The following PDE4D variants were observed in gnomAD, a reference collection of about 807,000 sequenced individuals.
PDE4D encodes phosphodiesterase 4D.
A neutral mutation model predicts 87.4 loss-of-function variants in PDE4D; 24 were observed. That is an observed-to-expected ratio of 0.27 (90% CI 0.20 to 0.39). The LOEUF (loss-of-function observed/expected upper bound fraction) is 0.39. Ranked by LOEUF, PDE4D falls within the 10% of genes least tolerant of loss-of-function variation. PDE4D has a pLI of 1.00. For synonymous variants in PDE4D, 384 were observed against 383.2 expected, an observed-to-expected ratio of 1.00 and a Z score of -0.02; for missense variants, 714 against 1,041.0, an observed-to-expected ratio of 0.69 and a Z score of 4.32.
At chr5:59,726,513 A>C (rs2150580918) in intron 1 of PDE4D, among the ~76,000 whole-genome samples, 1 of 152,232 alleles carries the variant, frequency 6.6e-6, no homozygotes, top group Middle Eastern at 3.4e-3. Flanking sequence ...GAAGGCACTG[A>C]CTGCAAGCCA....
chr5:58,999,553 G>GTATGTA (rs1750018242), intron 6 of PDE4D: 1 of 1,064,404 alleles, frequency 9.4e-7, no homozygotes, highest in Non-Finnish European at 1.3e-6. Context: ...TTGATTATAT[G>GTATGTA]TATATATATA....
chr5:59,257,242 C>T (rs1371683371), intron 1 of PDE4D, among the ~76,000 whole-genome samples: 1 of 152,028 alleles, frequency 6.6e-6, no homozygotes, highest in African/African-American at 2.4e-5. Flanking sequence ...TGATGGGTTT[C>T]AGTTCATACA....
chr5:59,913,654 AG>A (rs1416431689), intron 3 of PDE4D, among the ~76,000 whole-genome samples: 1 of 152,186 alleles, frequency 6.6e-6, no homozygotes, highest in Non-Finnish European at 1.5e-5. Flanking sequence ...TGTCTACCTC[AG>A]GCATAATATG....
intron 1 of PDE4D, among the ~76,000 whole-genome samples, chr5:59,781,784 CAAAAAAAAA>C (rs58613622): frequency 5.0e-5 from 2 of 39,898 alleles, no homozygotes; most frequent in Admixed American, 4.5e-4. Flanking sequence ...CACTCCATCT[CAAAAAAAAA>C]AAAAAAAAAA....
intron 1 of PDE4D, among the ~76,000 whole-genome samples, chr5:59,765,902 C>A (rs1309701549): frequency 6.6e-6 from 1 of 152,092 alleles, no homozygotes; most frequent in Non-Finnish European, 1.5e-5. Flanking sequence ...TATTGGAAAC[C>A]AACAAATGGT....
rs541953940 is a variant in PDE4D, at chr5:59,316,227, AG to A, written c.456-100260del. 1.0e-3 allele frequency among the ~76,000 whole-genome samples: 152 copies of A among 152,296 alleles called. 1 individual carries two copies. Among genetic ancestry groups the A allele is most frequent in the African/African-American group, 3.4e-3 (142 of 41,562 alleles). On this transcript the variant is annotated intron_variant, in intron 1 of 14. Coordinates refer to ENST00000340635, the MANE Select transcript of PDE4D (RefSeq NM_001104631.2). Reference sequence around the variant, plus strand: ...ATAATAAAGGCAGATTGCCAGTCTGAGTTTGGAATTGGAATCGGTATAGACA... The same window carrying A: ...ATAATAAAGGCAGATTGCCAGTCTGATTTGGAATTGGAATCGGTATAGACA...
At chr5:59,087,845 TCTC>T (rs1767999414) in intron 5 of PDE4D, among the ~76,000 whole-genome samples, 1 of 152,068 alleles carries the variant, frequency 6.6e-6, no homozygotes, top group African/African-American at 2.4e-5. Flanking sequence ...CTAACTAACT[TCTC>T]CTCATCCTCA....
intron 2 of PDE4D, among the ~76,000 whole-genome samples, chr5:60,055,299 G>A (rs1346168907): frequency 6.6e-6 from 1 of 151,822 alleles, no homozygotes; most frequent in Non-Finnish European, 1.5e-5. Flanking sequence ...AGCAACAATG[G>A]CACTTACATA....
chr5:59,899,897 T>C (rs1752053601), intron 3 of PDE4D, among the ~76,000 whole-genome samples: 1 of 152,186 alleles, frequency 6.6e-6, no homozygotes, highest in Non-Finnish European at 1.5e-5. Context: ...TTTGGATTTC[T>C]GACTTGCATT....
chr5:60,055,636 A>G (rs1231477187), intron 2 of PDE4D, among the ~76,000 whole-genome samples: 1 of 152,134 alleles, frequency 6.6e-6, no homozygotes, highest in Non-Finnish European at 1.5e-5. Context: ...GCACTTTCAT[A>G]TATCTCACTT....
chr5:59,083,222 T>C (rs930599545), intron 5 of PDE4D, among the ~76,000 whole-genome samples: 1 of 152,054 alleles, frequency 6.6e-6, no homozygotes, highest in Admixed American at 6.6e-5. Context: ...GATGAGAAGT[T>C]TGATACCTTT....
chr5:59,033,035 A>G (rs183616305), intron 6 of PDE4D, among the ~76,000 whole-genome samples: 1 of 152,352 alleles, frequency 6.6e-6, no homozygotes. Context: ...CAGGGAGTAA[A>G]TATCATTCAT....
intron 2 of PDE4D, among the ~76,000 whole-genome samples, chr5:60,117,195 CT>C (rs1248685999): frequency 6.6e-6 from 1 of 151,930 alleles, no homozygotes; most frequent in Non-Finnish European, 1.5e-5. Flanking sequence ...GTAACTAACA[CT>C]TTTTCCAAAC....
At chr5:59,211,843 C>G (rs1750154675) in intron 2 of PDE4D, among the ~76,000 whole-genome samples, 1 of 152,044 alleles carries the variant, frequency 6.6e-6, no homozygotes, top group Non-Finnish European at 1.5e-5. Context: ...GATATCCTAT[C>G]TACTAGGAAG....
At chr5:60,047,225 A>AT in intron 2 of PDE4D, among the ~76,000 whole-genome samples, 2 of 152,062 alleles carry the variant, frequency 1.3e-5, no homozygotes, top group Non-Finnish European at 2.9e-5. Flanking sequence ...CCCCTTTATC[A>AT]TTTTTTATTG....
At chr5:59,135,679 A>G (rs1400071551) in intron 5 of PDE4D, among the ~76,000 whole-genome samples, 2 of 151,980 alleles carry the variant, frequency 1.3e-5, no homozygotes, top group African/African-American at 4.8e-5. Flanking sequence ...TTCAATACGT[A>G]TATCTCCCAT....
intron 6 of PDE4D, among the ~76,000 whole-genome samples, chr5:59,030,119 G>A (rs1024376179): frequency 3.9e-5 from 6 of 151,980 alleles, no homozygotes; most frequent in African/African-American, 1.5e-4. Flanking sequence ...CACAACAATG[G>A]TCTGGGCAAT....
In PDE4D at chr5:59,422,825, A is replaced by C. The variant is rs547802883; in HGVS notation, c.456-206857T>G. Among the ~76,000 whole-genome samples, 22 of 152,330 alleles carry C rather than the reference A, an allele frequency of 1.4e-4. No individual in the cohort carries two copies. In the South Asian group the frequency reaches 3.9e-3, roughly 27 times the overall value. ...TGAACTGATTGCAGAACAAAGGTCA[A>C]CATTTATGACAGTTTTTATTAAACT... On this transcript the variant is annotated intron_variant, in intron 1 of 14. Transcript: ENST00000340635.
intron 1 of PDE4D, among the ~76,000 whole-genome samples, chr5:59,649,505 T>C (rs1162611789): frequency 6.6e-6 from 1 of 151,718 alleles, no homozygotes; most frequent in Non-Finnish European, 1.5e-5. Context: ...AAATGAGTAA[T>C]GGGAAGCCAG....
Sources: gnomAD v4.1 joint callset for allele counts (sites outside exome capture counted in the v4.1 genomes callset) on GRCh38, gnomAD v4.1.1 for gene constraint, MANE v1.5 for transcripts, NCBI Gene and HGNC (gene_info 2026-07-23, HGNC 2026-07-21) for gene names.